TMEM245: variants seen among roughly 807,000 people sequenced by gnomAD.
The protein encoded by TMEM245 is protein CG-2.
Under a neutral mutation model 101.2 loss-of-function variants are expected in TMEM245, and 69 were observed. The observed-to-expected ratio is 0.68, with a 90% CI of 0.56 to 0.83. TMEM245 has a LOEUF of 0.83. TMEM245 is among the 40% of genes least tolerant of loss of function. The pLI, the probability that TMEM245 is intolerant of heterozygous loss-of-function variation, is 0.00. For synonymous variants in TMEM245, 537 were observed against 449.8 expected (o/e 1.19, Z -2.45); for missense variants, 1,075 against 1,092.8 (o/e 0.98, Z 0.23).
At chr9:109,086,488 T>C (rs1345216148) in intron 6 of TMEM245, among the ~76,000 whole-genome samples, 1 of 152,172 alleles carries the variant, frequency 6.6e-6, no homozygotes, top group Non-Finnish European at 1.5e-5. Flanking sequence ...TACACACTTT[T>C]CCTACACAAA....
intron 9 of TMEM245, among the ~76,000 whole-genome samples, chr9:109,070,652 T>C (rs909216891): frequency 3.2e-5 from 3 of 93,962 alleles, no homozygotes; most frequent in African/African-American, 8.1e-5. Flanking sequence ...GAATGAAATA[T>C]GATGATTCTA....
intron 3 of TMEM245, among the ~76,000 whole-genome samples, chr9:109,104,294 T>C (rs1830352225): frequency 6.6e-6 from 1 of 152,056 alleles, no homozygotes; most frequent in Non-Finnish European, 1.5e-5. Context: ...AAACATTCCA[T>C]GTACCCCATA....
chr9:109,020,624 G>A, intron 17 of TMEM245, 119 bp from the exon 18 acceptor site: 1 of 896,118 alleles, frequency 1.1e-6, no homozygotes, highest in Non-Finnish European at 1.7e-6. Context: ...GATTTTCATT[G>A]AGTATTGTTT....
At chr9:109,032,894 G>GT (rs1481243589) in intron 17 of TMEM245, among the ~76,000 whole-genome samples, 1 of 147,946 alleles carries the variant, frequency 6.8e-6, no homozygotes, top group African/African-American at 2.5e-5. Context: ...CGCCTCCTGG[G>GT]TTCAAGCAAT....
intron 17 of TMEM245, 31 bp from the exon 18 acceptor site, chr9:109,020,536 G>A (rs748125263): frequency 6.3e-7 from 1 of 1,594,738 alleles, no homozygotes; most frequent in Admixed American, 1.7e-5. Flanking sequence ...ATGATTAGTT[G>A]ATTACCATAA....
intron 11 of TMEM245, 42 bp downstream of exon 11, chr9:109,060,312 T>C: frequency 7.1e-7 from 1 of 1,416,312 alleles, no homozygotes; most frequent in South Asian, 1.2e-5. Flanking sequence ...ATAAAAGGAC[T>C]TTATTAGTTT....
chr9:109,111,940 A>G (rs1830577020), intron 1 of TMEM245, among the ~76,000 whole-genome samples: 1 of 152,188 alleles, frequency 6.6e-6, no homozygotes, highest in Admixed American at 6.5e-5. Flanking sequence ...TAGTATCTTT[A>G]TAAACAGAAA....
chr9:109,063,572 T>G (rs1243394999), intron 10 of TMEM245, among the ~76,000 whole-genome samples: 1 of 152,222 alleles, frequency 6.6e-6, no homozygotes, highest in Admixed American at 6.5e-5. Context: ...ATAATCCTAA[T>G]TATTTCAGTA....
chr9:109,038,231 G>A, intron 14 of TMEM245, 114 bp from the exon 15 acceptor site: 1 of 623,814 alleles, frequency 1.6e-6, no homozygotes. Context: ...TTTTTCTGCT[G>A]GCCTGAGAAT....
In TMEM245 at chr9:109,108,438, AAAG is replaced by A. The variant is rs753587591; in HGVS notation, c.697+12_697+14del. On this transcript the variant is annotated intron_variant, in intron 2 of 17. Coordinates refer to ENST00000374586, the MANE Select transcript of TMEM245 (RefSeq NM_032012.4). ...CTAGACTTAAAAAAAAAAAAAAAAA[AAAG>A]AAGGAACCCACCTAAATGAAAAAGC... 75 of 1,454,080 alleles carry A rather than the reference AAAG, an allele frequency of 5.2e-5. No individual in the cohort carries two copies. Among genetic ancestry groups the A allele is most frequent in the Admixed American group, 2.0e-4 (8 of 39,830 alleles). The allele number at this position is 1,454,080 out of a possible 1,614,324, so 90.1% of individuals were successfully genotyped here.
chr9:109,117,341 C>G (rs1294922902), intron 1 of TMEM245, among the ~76,000 whole-genome samples: 1 of 151,766 alleles, frequency 6.6e-6, no homozygotes, highest in South Asian at 2.1e-4. Context: ...TGGTCTTGAA[C>G]TCCTAACCTC....
Position 109,020,294 on chromosome 9 carries a change from G to A in TMEM245, c.*166C>T, listed in dbSNP as rs1827579892. The A allele has an allele frequency of 1.3e-6, 1 of 741,040 alleles. No individual in the cohort carries two copies. Among genetic ancestry groups the A allele is most frequent in the Non-Finnish European group, 2.5e-6 (1 of 403,722 alleles). The allele number at this position is 741,040 out of a possible 1,614,324, so 45.9% of individuals were successfully genotyped here. On this transcript the variant is annotated 3_prime_UTR_variant, in exon 18 of 18. Coordinates refer to ENST00000374586, the MANE Select transcript of TMEM245 (RefSeq NM_032012.4). ...GTTTTAAAATACAAAGCAGCCCGCA[G>A]CAAGTTCTCTCTTGTCCAGGCATTC...
At chr9:109,101,266 G>C (rs1338219006) in intron 3 of TMEM245, among the ~76,000 whole-genome samples, 2 of 152,186 alleles carry the variant, frequency 1.3e-5, no homozygotes, top group Admixed American at 6.5e-5. Flanking sequence ...AGAAGACATA[G>C]AGAAAGATAC....
intron 3 of TMEM245, among the ~76,000 whole-genome samples, chr9:109,100,114 T>G (rs570717336): frequency 6.6e-6 from 1 of 152,182 alleles, no homozygotes; most frequent in Non-Finnish European, 1.5e-5. Flanking sequence ...GTAAGGTTTC[T>G]GGGATCTAGG....
At chr9:109,082,802 T>C (rs1829706472) in intron 7 of TMEM245, among the ~76,000 whole-genome samples, 1 of 152,186 alleles carries the variant, frequency 6.6e-6, no homozygotes, top group Non-Finnish European at 1.5e-5. Context: ...TCCAATTTTT[T>C]AGTTTTAAGT....
At position 109,119,563 on chromosome 9, in the gene TMEM245, C is replaced by T. The variant is rs771795800; in HGVS notation, c.351G>A (p.Thr117=). 2 of 1,538,330 alleles carry T rather than the reference C, an allele frequency of 1.3e-6. No individual in the cohort carries two copies. Among genetic ancestry groups the T allele is most frequent in the South Asian group, 1.2e-5 (1 of 83,684 alleles). Reference sequence around the variant, plus strand: ...GGAGCAGCGCGGCCAGGACGATGGGCGTGTGCGCGCGGTGCAGGCGCTGCA... The same window carrying T: ...GGAGCAGCGCGGCCAGGACGATGGGTGTGTGCGCGCGGTGCAGGCGCTGCA... ...HWLQRLHRAH[T]PIVLAALLLP... The change falls in exon 1 of 18, where the codon ACG becomes ACA. Residue 117 remains threonine (T), a synonymous_variant. Coordinates refer to ENST00000374586, the MANE Select transcript of TMEM245 (RefSeq NM_032012.4).
chr9:109,073,462 A>T, intron 8 of TMEM245, 24 bp from the exon 9 acceptor site: 1 of 1,546,500 alleles, frequency 6.5e-7, no homozygotes, highest in Non-Finnish European at 8.9e-7. Flanking sequence ...AAAGAAAGAA[A>T]AGAATCTCAG....
At chr9:109,054,204 G>A (rs2132406503) in intron 12 of TMEM245, among the ~76,000 whole-genome samples, 1 of 152,244 alleles carries the variant, frequency 6.6e-6, no homozygotes, top group South Asian at 2.1e-4. Context: ...GGTGGTGTAT[G>A]CCTGTAGTCC....
chr9:109,049,189 G>T lies in TMEM245; in HGVS notation c.2123+1094C>A, dbSNP rs538574399. Among the ~76,000 whole-genome samples, 11 of 152,300 alleles carry T rather than the reference G, an allele frequency of 7.2e-5. No individual in the cohort carries two copies. In the South Asian group the frequency reaches 1.0e-3, roughly 14 times the overall value. On this transcript the variant is annotated intron_variant, in intron 14 of 17. Coordinates refer to ENST00000374586, the MANE Select transcript of TMEM245 (RefSeq NM_032012.4). ...TTGTAAATCTCAGGTTTGAGAGAAG[G>T]TTATCAAAACTGCTTTGAATTGTTA... is the stretch of plus-strand genomic sequence containing the variant.
Sources: allele counts gnomAD v4.1 joint callset (sites outside exome capture counted in the v4.1 genomes callset), GRCh38; gene constraint gnomAD v4.1.1; transcripts MANE v1.5; gene names NCBI Gene and HGNC (gene_info 2026-07-23, HGNC 2026-07-21).